Variants in MAP2 observed in about 807,000 individuals in gnomAD.
The protein encoded by MAP2 is microtubule-associated protein 2.
Under a neutral mutation model 137.6 loss-of-function variants are expected in MAP2, and 14 were observed. The observed-to-expected ratio is 0.10, with a 90% CI of 0.07 to 0.16. MAP2 has a LOEUF of 0.16. Ranked by LOEUF, MAP2 falls within the 10% of genes least tolerant of loss-of-function variation. MAP2 has a pLI of 1.00. For synonymous variants in MAP2, 786 were observed against 782.3 expected (o/e 1.00, Z -0.08); for missense variants, 2,088 against 2,191.5 (o/e 0.95, Z 0.94).
At chr2:209,672,375 T>C (rs1166819079) in intron 5 of MAP2, among the ~76,000 whole-genome samples, 2 of 151,880 alleles carry the variant, frequency 1.3e-5, no homozygotes, top group Non-Finnish European at 2.9e-5. Flanking sequence ...TCAATCAAAT[T>C]ATGTTCATAG....
chr2:209,682,430 G>A (rs2055043919), intron 7 of MAP2, among the ~76,000 whole-genome samples: 1 of 152,168 alleles, frequency 6.6e-6, no homozygotes, highest in Non-Finnish European at 1.5e-5. Flanking sequence ...GGCGGAGGTT[G>A]CAGCGAGCCA....
Position 209,732,154 on chromosome 2 carries a change from T to G in MAP2, c.*1757T>G, listed in dbSNP as rs1186400060. On this transcript the variant is annotated 3_prime_UTR_variant, in exon 16 of 16. Coordinates refer to ENST00000682079, the MANE Select transcript of MAP2 (RefSeq NM_001375505.1). ...CAAATGGTCCACTAGGCGTATGATC[T>G]CTTTGAGCCAAATCAGTTCCTGAAT... is the stretch of plus-strand genomic sequence containing the variant. 6.6e-6 allele frequency: 1 copy of G among 152,212 alleles called. No individual in the cohort carries two copies. Among genetic ancestry groups the G allele is most frequent in the Non-Finnish European group, 1.5e-5 (1 of 68,048 alleles). 9.4% of individuals were successfully genotyped at this position (152,212 alleles called of 1,614,324 possible).
At chr2:209,466,802 A>C (rs951612773) in intron 1 of MAP2, among the ~76,000 whole-genome samples, 6 of 152,216 alleles carry the variant, frequency 3.9e-5, no homozygotes, top group African/African-American at 1.4e-4. Context: ...AAAAGCTAAG[A>C]AAACAGCAGA....
At chr2:209,584,322 A>G (rs1231943679) in intron 3 of MAP2, among the ~76,000 whole-genome samples, 1 of 152,104 alleles carries the variant, frequency 6.6e-6, no homozygotes, top group Non-Finnish European at 1.5e-5. Flanking sequence ...AAGAACAAAC[A>G]TTAGCAAAGG....
intron 4 of MAP2, among the ~76,000 whole-genome samples, chr2:209,639,918 T>C (rs1279627203): frequency 6.6e-6 from 1 of 151,886 alleles, no homozygotes; most frequent in African/African-American, 2.4e-5. Context: ...AGACATAGAG[T>C]AGAGAGGAAC....
chr2:209,714,981 G>GT (rs570982725), intron 13 of MAP2, among the ~76,000 whole-genome samples: 51 of 151,808 alleles, frequency 3.4e-4, no homozygotes, highest in Non-Finnish European at 6.5e-4. Context: ...CCATGCCAAA[G>GT]TTTTTTTTAC....
chr2:209,496,930 C>T (rs749038241), intron 1 of MAP2, among the ~76,000 whole-genome samples: 2 of 150,968 alleles, frequency 1.3e-5, no homozygotes, highest in South Asian at 2.1e-4. Flanking sequence ...CAGGTGTGCA[C>T]TACCATGCCT....
chr2:209,611,129 G>A (rs1054776153), intron 3 of MAP2, among the ~76,000 whole-genome samples: 17 of 152,048 alleles, frequency 1.1e-4, no homozygotes, highest in Non-Finnish European at 2.1e-4. Context: ...TACAAATGAC[G>A]CCAAATATTT....
chr2:209,531,410 G>A (rs1462535688), intron 2 of MAP2, among the ~76,000 whole-genome samples: 2 of 152,112 alleles, frequency 1.3e-5, no homozygotes, highest in East Asian at 3.8e-4. Context: ...ATGCCATTTA[G>A]TGGTTATTAC....
intron 4 of MAP2, among the ~76,000 whole-genome samples, chr2:209,637,336 G>C (rs1314003346): frequency 1.3e-5 from 2 of 152,040 alleles, no homozygotes; most frequent in Non-Finnish European, 2.9e-5. Flanking sequence ...CCAGCTACTT[G>C]GGAGGCTGAG....
At chr2:209,672,534 G>A (rs955760938) in intron 5 of MAP2, among the ~76,000 whole-genome samples, 1 of 151,840 alleles carries the variant, frequency 6.6e-6, no homozygotes, top group Non-Finnish European at 1.5e-5. Flanking sequence ...GGAATCTGAA[G>A]GTTAGAGAGA....
At chr2:209,601,592 G>A (rs539067361) in intron 3 of MAP2, among the ~76,000 whole-genome samples, 29 of 152,132 alleles carry the variant, frequency 1.9e-4, no homozygotes, top group Non-Finnish European at 3.5e-4. Flanking sequence ...GTGGTCCTGG[G>A]TGTTTTTATT....
At chr2:209,615,622 G>T (rs1226789372) in intron 3 of MAP2, among the ~76,000 whole-genome samples, 1 of 152,108 alleles carries the variant, frequency 6.6e-6, no homozygotes, top group African/African-American at 2.4e-5. Context: ...CTCATTAATA[G>T]TCTTCATTTT....
intron 1 of MAP2, among the ~76,000 whole-genome samples, chr2:209,439,038 A>C (rs929440822): frequency 1.3e-5 from 2 of 151,522 alleles, no homozygotes; most frequent in African/African-American, 4.8e-5. Flanking sequence ...ACTGCATAAA[A>C]ATTTTTAAGT....
intron 5 of MAP2, among the ~76,000 whole-genome samples, chr2:209,661,054 A>G (rs2043368112): frequency 6.6e-6 from 1 of 151,964 alleles, no homozygotes; most frequent in Non-Finnish European, 1.5e-5. Context: ...TGTTGCTGCA[A>G]TTATTAAGTT....
chr2:209,663,794 C>T (rs2044856929), intron 5 of MAP2, among the ~76,000 whole-genome samples: 1 of 152,176 alleles, frequency 6.6e-6, no homozygotes, highest in African/African-American at 2.4e-5. Flanking sequence ...AAAGCATCTC[C>T]AGCATGAATG....
At chr2:209,432,955 T>C (rs1399457054) in intron 1 of MAP2, among the ~76,000 whole-genome samples, 4 of 152,170 alleles carry the variant, frequency 2.6e-5, no homozygotes, top group African/African-American at 9.7e-5. Context: ...AACATGATGT[T>C]CTTACTTGGG....
intron 1 of MAP2, among the ~76,000 whole-genome samples, chr2:209,466,422 C>T (rs1469231209): frequency 6.6e-6 from 1 of 152,076 alleles, no homozygotes; most frequent in African/African-American, 2.4e-5. Context: ...GTTTCCTTAT[C>T]TGTAAAAAGG....
chr2:209,659,723 G>T, intron 5 of MAP2, among the ~76,000 whole-genome samples: 1 of 150,888 alleles, frequency 6.6e-6, no homozygotes. Context: ...ACAGTGCTGT[G>T]AACACTAGTA....
Sources: allele counts gnomAD v4.1 joint callset (sites outside exome capture counted in the v4.1 genomes callset), GRCh38; gene constraint gnomAD v4.1.1; transcripts MANE v1.5; gene names NCBI Gene and HGNC (gene_info 2026-07-23, HGNC 2026-07-21).